The following CFAP47 variants were observed in gnomAD, a reference collection of about 807,000 sequenced individuals.
The protein encoded by CFAP47 is cilia and flagella associated protein 47, also known as cilia- and flagella-associated protein 47.
Under a neutral mutation model 148.1 loss-of-function variants are expected in CFAP47, and 29 were observed. That is an observed-to-expected ratio of 0.20 (90% CI 0.15 to 0.27). The LOEUF is 0.27. Ranked by LOEUF, CFAP47 falls within the 10% of genes least tolerant of loss-of-function variation. The pLI, the probability that CFAP47 is intolerant of heterozygous loss-of-function variation, is 1.00. For missense variants in CFAP47, 1,872 were observed against 1,697.5 expected, an observed-to-expected ratio of 1.10 and a Z score of -1.81; for synonymous variants, 664 against 577.3, an observed-to-expected ratio of 1.15 and a Z score of -2.15.
intron 62 of CFAP47, among the ~76,000 whole-genome samples, chrX:36,370,535 GT>G (rs1428074074): frequency 9.1e-6 from 1 of 110,200 alleles, no homozygotes; most frequent in Non-Finnish European, 1.9e-5. Flanking sequence ...CTTCGCATGG[GT>G]TTATTTTCTA....
At chrX:36,375,206 G>A (rs1211044977) in intron 62 of CFAP47, 5 of 258,506 alleles carry the variant, frequency 1.9e-5, no homozygotes, top group South Asian at 4.6e-5. Flanking sequence ...GAAAGATGGC[G>A]GAAAGAGAAT....
chrX:36,086,355 C>T (rs1938087652), intron 30 of CFAP47, among the ~76,000 whole-genome samples: 1 of 111,852 alleles, frequency 8.9e-6, no homozygotes, highest in Admixed American at 9.6e-5. Context: ...CATGTTATTA[C>T]TCCCTCTTCC....
chrX:36,304,663 A>G (rs148319698), intron 54 of CFAP47, among the ~76,000 whole-genome samples: 5,213 of 110,229 alleles, frequency 0.047, 297 homozygotes, highest in African/African-American at 0.16. Context: ...GCCTTTCCTG[A>G]GTTCTTGCCC....
chrX:35,941,378 C>G lies in CFAP47; in HGVS notation c.497C>G (p.Thr166Ser). 9.2e-7 allele frequency: 1 copy of G among 1,092,606 alleles called. No individual in the cohort carries two copies. The highest frequency in any genetic ancestry group is 1.2e-6 in the Non-Finnish European group (1 of 817,022). The allele number at this position is 1,092,606 out of a possible 1,213,427, so 90.0% of individuals were successfully genotyped here. ...SKVYSKEITI[T>S]NHGKAPGIFK... ...GTATATTCTAAAGAGATTACTATCA[C>G]TAACCATGGCAAAGCTCCAGGTAAA... The change falls in exon 3 of 64, where the codon ACT becomes AGT. Residue 166 changes from threonine (T) to serine (S), a missense_variant. By Grantham distance (58) the Thr-to-Ser change is moderately conservative. Transcript: ENST00000378653.
At chrX:36,099,014 C>T in intron 31 of CFAP47, 140 bp downstream of exon 31, 1 of 295,366 alleles carries the variant, frequency 3.4e-6, no homozygotes. Context: ...TTTGGATAAC[C>T]CATATGTTTT....
In CFAP47 at chrX:35,973,052, A is replaced by G. The variant is rs188935912; in HGVS notation, c.2254+1087A>G. On this transcript the variant is annotated intron_variant, in intron 13 of 63. Coordinates refer to ENST00000378653, the MANE Select transcript of CFAP47 (RefSeq NM_001304548.2). Reference sequence around the variant, plus strand: ...GACCTACTAGTGAGTATGAAATGTTATCTCATTGTGGATTTGATACTCATT... The same window carrying G: ...GACCTACTAGTGAGTATGAAATGTTGTCTCATTGTGGATTTGATACTCATT... 2.8e-3 allele frequency among the ~76,000 whole-genome samples: 316 copies of G among 112,152 alleles called. 1 individual carries two copies. The highest frequency in any genetic ancestry group is 5.1e-3 in the Non-Finnish European group (269 of 53,254).
intron 29 of CFAP47, 64 bp from the exon 30 acceptor site, chrX:36,085,249 GT>G (rs749961208): frequency 3.8e-4 from 250 of 663,610 alleles, no homozygotes; most frequent in African/African-American, 1.4e-3. Flanking sequence ...AATTGAACAT[GT>G]TTTTTTTTCC....
chrX:36,256,902 G>T (rs1555999067), intron 49 of CFAP47, among the ~76,000 whole-genome samples: 1 of 112,036 alleles, frequency 8.9e-6, no homozygotes, highest in African/African-American at 3.2e-5. Context: ...CACTACAGTA[G>T]ATTCATGCTG....
chrX:36,234,783 A>T (rs188555251), intron 46 of CFAP47, among the ~76,000 whole-genome samples: 1 of 110,983 alleles, frequency 9.0e-6, no homozygotes, highest in African/African-American at 3.3e-5. Flanking sequence ...TGAGGTACAG[A>T]TGGGTTTTTG....
intron 1 of CFAP47, 33 bp downstream of exon 1, chrX:35,920,081 T>C: frequency 8.8e-7 from 1 of 1,142,836 alleles, no homozygotes; most frequent in South Asian, 2.2e-5. Flanking sequence ...GAGCGGGACC[T>C]TGTGAGAGCG....
chrX:36,233,514 C>A lies in CFAP47; in HGVS notation c.7015-2420C>A, dbSNP rs782571923. Among the ~76,000 whole-genome samples the A allele has an allele frequency of 4.7e-4, 52 of 110,911 alleles. No homozygotes were observed. In the South Asian group the frequency reaches 5.3e-3, roughly 11 times the overall value. The stretch of plus-strand genomic sequence containing the variant: ...ATTTTGAGCCTATGTGTGTCTCTGC[C>A]CGTGAGATGGGTTTCCTGAATACAG... On this transcript the variant is annotated intron_variant, in intron 46 of 63. Coordinates refer to ENST00000378653, the MANE Select transcript of CFAP47 (RefSeq NM_001304548.2).
chrX:36,341,737 AAAT>A (rs781997949), intron 57 of CFAP47, among the ~76,000 whole-genome samples: 46 of 110,633 alleles, frequency 4.2e-4, no homozygotes, highest in South Asian at 1.9e-3. Context: ...AGCAAAGCAC[AAAT>A]AATAATAATA....
intron 21 of CFAP47, among the ~76,000 whole-genome samples, chrX:36,006,895 A>G (rs984997203): frequency 2.7e-5 from 3 of 112,168 alleles, no homozygotes; most frequent in African/African-American, 9.7e-5. Context: ...CCCAACAGAA[A>G]TGTTGTTTCT....
At chrX:35,929,805 C>A (rs183760415) in intron 2 of CFAP47, among the ~76,000 whole-genome samples, 1 of 110,664 alleles carries the variant, frequency 9.0e-6, no homozygotes, top group East Asian at 2.8e-4. Flanking sequence ...TCGAGACCAG[C>A]CTGGCCAACA....
intron 39 of CFAP47, among the ~76,000 whole-genome samples, chrX:36,161,315 G>A (rs1479133069): frequency 5.4e-5 from 6 of 111,479 alleles, no homozygotes; most frequent in Non-Finnish European, 1.1e-4. Flanking sequence ...CAAGTTGTTT[G>A]TTGAAATTCA....
intron 37 of CFAP47, among the ~76,000 whole-genome samples, chrX:36,151,669 A>ATGTG (rs368357620): frequency 9.8e-6 from 1 of 102,021 alleles, no homozygotes; most frequent in African/African-American, 3.4e-5. Context: ...GTGCATGTGT[A>ATGTG]TGTGTGTGTG....
At chrX:36,154,948 G>T (rs778648128) in intron 37 of CFAP47, among the ~76,000 whole-genome samples, 98 of 110,811 alleles carry the variant, frequency 8.8e-4, no homozygotes, top group Middle Eastern at 4.6e-3. Context: ...CATTCAGGCT[G>T]CTATAACAAT....
intron 51 of CFAP47, among the ~76,000 whole-genome samples, chrX:36,292,149 T>C (rs1398193497): frequency 9.0e-6 from 1 of 110,955 alleles, no homozygotes; most frequent in Non-Finnish European, 1.9e-5. Flanking sequence ...ACCACCTTGA[T>C]TGCATCTCAG....
intron 10 of CFAP47, among the ~76,000 whole-genome samples, chrX:35,968,769 A>G (rs1176183802): frequency 9.0e-6 from 1 of 110,979 alleles, no homozygotes; most frequent in African/African-American, 3.3e-5. Context: ...TTTAAAAATT[A>G]TTACTTGACA....
Sources: allele counts gnomAD v4.1 joint callset (sites outside exome capture counted in the v4.1 genomes callset), GRCh38; gene constraint gnomAD v4.1.1; transcripts MANE v1.5; gene names NCBI Gene and HGNC (gene_info 2026-07-23, HGNC 2026-07-21).